Variants in LRBA observed in about 807,000 individuals in gnomAD.
LRBA encodes LPS responsive beige-like anchor protein.
LRBA carries 176 observed loss-of-function variants against 330.0 expected under a neutral mutation model. The observed-to-expected ratio is 0.53, with a 90% confidence interval of 0.47 to 0.60. LRBA has a LOEUF of 0.60. LRBA is among the 20% of genes least tolerant of loss of function. The probability of loss-of-function intolerance (pLI) is 0.00; values close to 1 mark genes in which losing one functional copy is unlikely to be tolerated. For synonymous variants in LRBA, 1,230 were observed against 1,193.0 expected (o/e 1.03, Z -0.64); for missense variants, 3,259 against 3,444.8 (o/e 0.95, Z 1.35).
At chr4:151,007,256 C>A (rs1367426241) in intron 2 of LRBA, among the ~76,000 whole-genome samples, 3 of 152,188 alleles carry the variant, frequency 2.0e-5, no homozygotes, top group African/African-American at 7.2e-5. Flanking sequence ...AATCCCAGCA[C>A]CTTGGGAGGC....
intron 2 of LRBA, among the ~76,000 whole-genome samples, chr4:150,992,336 G>A (rs956867172): frequency 2.5e-4 from 37 of 148,986 alleles, no homozygotes; most frequent in African/African-American, 7.3e-4. Flanking sequence ...AAAAGGTAAC[G>A]AGCATGATGA....
At chr4:150,781,008 T>G (rs1272415938) in intron 34 of LRBA, among the ~76,000 whole-genome samples, 5 of 151,864 alleles carry the variant, frequency 3.3e-5, no homozygotes, top group Non-Finnish European at 5.9e-5. Context: ...GCCTCTCGAG[T>G]AGCTGGGACT....
intron 4 of LRBA, among the ~76,000 whole-genome samples, chr4:150,926,505 C>CA (rs1733898317): frequency 6.6e-6 from 1 of 152,138 alleles, no homozygotes; most frequent in African/African-American, 2.4e-5. Flanking sequence ...ACCAGTCTAA[C>CA]AATCTTAAAA....
chr4:150,714,767 TA>T (rs1407756300), intron 36 of LRBA, among the ~76,000 whole-genome samples: 2 of 152,190 alleles, frequency 1.3e-5, no homozygotes, highest in African/African-American at 4.8e-5. Context: ...CATTAAAATA[TA>T]TTTTTTTCCA....
intron 37 of LRBA, among the ~76,000 whole-genome samples, chr4:150,643,807 T>A (rs1251051923): frequency 6.6e-6 from 1 of 152,008 alleles, no homozygotes; most frequent in Admixed American, 6.6e-5. Context: ...GAAAAAAAGA[T>A]ATTTCATGAT....
chr4:150,553,047 C>T (rs1042835811), intron 40 of LRBA, among the ~76,000 whole-genome samples: 5 of 146,466 alleles, frequency 3.4e-5, no homozygotes, highest in East Asian at 4.0e-4. Context: ...CCAGCCTGGG[C>T]GACAGAGCGA....
At chr4:150,310,558 G>C in intron 51 of LRBA, 174 bp from the exon 52 acceptor site, 1 of 497,492 alleles carries the variant, frequency 2.0e-6, no homozygotes, top group Non-Finnish European at 3.5e-6. Flanking sequence ...AATGTGGGTA[G>C]CTAAATTCAA....
chr4:151,011,190 A>C (rs1207809134), intron 2 of LRBA, among the ~76,000 whole-genome samples: 2 of 152,016 alleles, frequency 1.3e-5, no homozygotes, highest in African/African-American at 4.8e-5. Flanking sequence ...CTGTCTCAAA[A>C]AAAAAAAAGA....
chr4:150,443,613 C>T (rs536728902), intron 44 of LRBA, among the ~76,000 whole-genome samples: 86 of 151,792 alleles, frequency 5.7e-4, no homozygotes, highest in Non-Finnish European at 1.0e-3. Context: ...AACCAAACAC[C>T]GCATGTTCTC....
intron 44 of LRBA, among the ~76,000 whole-genome samples, chr4:150,460,201 A>G (rs1032083568): frequency 6.6e-6 from 1 of 151,894 alleles, no homozygotes; most frequent in Non-Finnish European, 1.5e-5. Context: ...AACAACAGTT[A>G]AATGTCGGTA....
chr4:150,902,211 C>T (rs1730810587), intron 13 of LRBA, among the ~76,000 whole-genome samples: 1 of 152,012 alleles, frequency 6.6e-6, no homozygotes, highest in African/African-American at 2.4e-5. Context: ...ATAAAGTAGG[C>T]ATTAAGATAG....
chr4:150,954,113 C>T (rs866123300), intron 2 of LRBA, among the ~76,000 whole-genome samples: 1 of 150,562 alleles, frequency 6.6e-6, no homozygotes, highest in African/African-American at 2.4e-5. Context: ...AAGTGAGGAG[C>T]ATCTCTGCCC....
chr4:150,345,179 GATTAT>G (rs1394028640), intron 48 of LRBA, among the ~76,000 whole-genome samples: 2 of 152,164 alleles, frequency 1.3e-5, no homozygotes, highest in Non-Finnish European at 2.9e-5. Flanking sequence ...GAATTTATCA[GATTAT>G]ATTATAATTG....
chr4:150,599,799 C>A (rs1057136328), intron 37 of LRBA, among the ~76,000 whole-genome samples: 2 of 152,128 alleles, frequency 1.3e-5, no homozygotes, highest in Non-Finnish European at 1.5e-5. Context: ...AAATGCATTT[C>A]TTTTCCATTT....
chr4:150,310,401 GA>G lies in LRBA; in HGVS notation c.7694-18del. The G allele has an allele frequency of 1.2e-6, 2 of 1,601,790 alleles. No homozygotes were observed. ...TATTGCTGGCTGTAAGAATAGGGAG[GA>G]AAAACAACTATTAAATCCACATGGG... On this transcript the variant is annotated intron_variant, in intron 51 of 56. Coordinates refer to ENST00000651943, the MANE Select transcript of LRBA (RefSeq NM_001364905.1).
intron 11 of LRBA, among the ~76,000 whole-genome samples, chr4:150,907,128 C>T (rs1356598969): frequency 7.0e-6 from 1 of 142,332 alleles, no homozygotes; most frequent in African/African-American, 2.6e-5. Flanking sequence ...AGAGAAGTCC[C>T]ACAAAACAAA....
At chr4:150,616,685 A>T (rs114961641) in intron 37 of LRBA, among the ~76,000 whole-genome samples, 180 of 152,320 alleles carry the variant, frequency 1.2e-3, no homozygotes, top group African/African-American at 3.9e-3. Flanking sequence ...CAAGTTCAAG[A>T]GAGAATAGGA....
In LRBA at chr4:150,508,489, A is replaced by G. The variant is rs181029158; in HGVS notation, c.6331-17454T>C. 4.2e-3 allele frequency among the ~76,000 whole-genome samples: 640 copies of G among 152,190 alleles called. 3 individuals carry two copies. The highest frequency in any genetic ancestry group is 0.015 in the African/African-American group (619 of 41,536). ...TTTTTAGTAGAGGCGGGGTTTCACC[A>G]TGTTGGCTAGGCTGGTCTCGAACTC... On this transcript the variant is annotated intron_variant, in intron 40 of 56. Coordinates refer to ENST00000651943, the MANE Select transcript of LRBA (RefSeq NM_001364905.1).
chr4:150,864,928 GCCTGGCCT>G (rs937275091), intron 22 of LRBA, among the ~76,000 whole-genome samples: 4 of 152,186 alleles, frequency 2.6e-5, no homozygotes, highest in African/African-American at 9.6e-5. Flanking sequence ...GTGCCATCGT[GCCTGGCCT>G]CCCTCCCAAG....
Sources: allele counts gnomAD v4.1 joint callset (sites outside exome capture counted in the v4.1 genomes callset), GRCh38; gene constraint gnomAD v4.1.1; transcripts MANE v1.5; gene names NCBI Gene and HGNC (gene_info 2026-07-23, HGNC 2026-07-21).